STK3: variants seen among roughly 807,000 people sequenced by gnomAD.
The protein encoded by STK3 is serine/threonine-protein kinase 3.
A neutral mutation model predicts 58.0 loss-of-function variants in STK3; 41 were observed. The ratio of observed to expected loss-of-function variants is 0.71; its 90% CI spans 0.55 to 0.92. The LOEUF (loss-of-function observed/expected upper bound fraction) is 0.92. STK3 is among the 40% of genes least tolerant of loss of function. The probability of loss-of-function intolerance (pLI) is 0.00; values close to 1 mark genes in which losing one functional copy is unlikely to be tolerated. For synonymous variants in STK3, 170 were observed against 191.0 expected, an observed-to-expected ratio of 0.89 and a Z score of 0.91; for missense variants, 479 against 602.7, an observed-to-expected ratio of 0.79 and a Z score of 2.15.
intron 1 of STK3, among the ~76,000 whole-genome samples, chr8:98,777,528 T>C (rs1831780137): frequency 6.6e-6 from 1 of 151,912 alleles, no homozygotes; most frequent in African/African-American, 2.4e-5. Context: ...AAAAAAGAAA[T>C]AGCAGAAATG....
chr8:98,678,123 T>C (rs981513537), intron 6 of STK3, among the ~76,000 whole-genome samples: 4 of 152,218 alleles, frequency 2.6e-5, no homozygotes, highest in African/African-American at 7.2e-5. Context: ...TTTTCTGATA[T>C]GGTTAATTAT....
intron 7 of STK3, among the ~76,000 whole-genome samples, chr8:98,587,394 G>A (rs1814734195): frequency 1.3e-5 from 2 of 152,102 alleles, no homozygotes; most frequent in South Asian, 2.1e-4. Flanking sequence ...CAGTTTCCAT[G>A]TAGTTGAGTG....
chr8:98,797,541 AACTG>A (rs1833254612), intron 1 of STK3, among the ~76,000 whole-genome samples: 1 of 152,222 alleles, frequency 6.6e-6, no homozygotes, highest in Admixed American at 6.5e-5. Context: ...AAAGTAAGAT[AACTG>A]ACTGCAAAGG....
In STK3 at chr8:98,707,728, G is replaced by A. The variant is rs545939604; in HGVS notation, c.352-417C>T. ...CCACAAGTACTTCTTTCTAATGACC[G>A]CTAAACCTCCAGGAAAATGCTAAAG... On this transcript the variant is annotated intron_variant, in intron 4 of 10. Transcript: ENST00000419617. 4.3e-4 allele frequency among the ~76,000 whole-genome samples: 66 copies of A among 151,918 alleles called. No homozygotes were observed. In the South Asian group the frequency reaches 0.01, roughly 24 times the overall value.
the STK3 span, among the ~76,000 whole-genome samples, chr8:98,355,900 G>A: frequency 6.6e-6 from 1 of 152,222 alleles, no homozygotes; most frequent in South Asian, 2.1e-4. Flanking sequence ...TTAATTACTG[G>A]TGAAGGGGCT....
intron 1 of STK3, among the ~76,000 whole-genome samples, chr8:98,786,686 AAG>A (rs1309520853): frequency 2.6e-5 from 4 of 152,234 alleles, no homozygotes; most frequent in Admixed American, 6.5e-5. Flanking sequence ...ATGATACAGA[AAG>A]AGAAAAAGCA....
At chr8:98,554,968 A>G (rs1225623312) in intron 8 of STK3, among the ~76,000 whole-genome samples, 1 of 152,148 alleles carries the variant, frequency 6.6e-6, no homozygotes, top group African/African-American at 2.4e-5. Flanking sequence ...TTGATACTTC[A>G]TAGAAAAAGG....
intron 10 of STK3, among the ~76,000 whole-genome samples, chr8:98,465,846 G>T (rs1005965332): frequency 6.6e-6 from 1 of 152,146 alleles, no homozygotes; most frequent in Admixed American, 6.5e-5. Context: ...AATTTTCGTT[G>T]CATTCCTCAA....
chr8:98,620,495 T>C (rs1818192234), intron 6 of STK3, among the ~76,000 whole-genome samples: 1 of 137,676 alleles, frequency 7.3e-6, no homozygotes, highest in East Asian at 2.1e-4. Flanking sequence ...AATAAATAAA[T>C]AAATAAAAAG....
At chr8:98,607,992 T>C (rs1043260271) in intron 6 of STK3, among the ~76,000 whole-genome samples, 70 of 152,228 alleles carry the variant, frequency 4.6e-4, no homozygotes, top group African/African-American at 1.6e-3. Context: ...AAGTACAAGA[T>C]AGAGAAATAG....
At position 98,526,848 on chromosome 8, in the gene STK3, T is replaced by C. The variant is rs368988843; in HGVS notation, c.1211A>G (p.Asn404Ser). ...CTGATTACAGTTTTCGTGACTCTTA[T>C]TCTTGAAGTCTTGCTTATCAAAGTA... ...MDYFDKQDFK[N>S]KSHENCNQNM... The change falls in exon 10 of 11, where the codon AAT becomes AGT. Residue 404 changes from asparagine (N) to serine (S), a missense_variant. Physicochemically the swap from Asn to Ser is conservative, Grantham distance 46 (BLOSUM62 1). This residue lies in a region of STK3 where 309 missense variants were observed against 355.7 expected (regional missense o/e 0.87). Coordinates refer to ENST00000419617, the MANE Select transcript of STK3 (RefSeq NM_006281.4). 3.1e-6 allele frequency: 5 copies of C among 1,599,552 alleles called. No individual in the cohort carries two copies. In the South Asian group the frequency reaches 3.4e-5, roughly 11 times the overall value.
At chr8:98,559,202 T>C (rs1304012598) in intron 8 of STK3, among the ~76,000 whole-genome samples, 1 of 152,186 alleles carries the variant, frequency 6.6e-6, no homozygotes, top group Non-Finnish European at 1.5e-5. Flanking sequence ...AGGCAAAACC[T>C]GTTTAAAACA....
At chr8:98,900,422 T>C (rs540267386) in intron 1 of STK3, among the ~76,000 whole-genome samples, 1 of 151,990 alleles carries the variant, frequency 6.6e-6, no homozygotes, top group East Asian at 1.9e-4. Context: ...GAAGTCTAAT[T>C]GAACATTACC....
chr8:98,379,674 T>C (rs1418050985), intron 1 of STK3, among the ~76,000 whole-genome samples: 1 of 152,208 alleles, frequency 6.6e-6, no homozygotes, highest in Non-Finnish European at 1.5e-5. Context: ...ATCAGACCCT[T>C]GAGATCTTTC....
At chr8:98,540,613 A>T (rs550717777) in intron 9 of STK3, among the ~76,000 whole-genome samples, 16 of 152,180 alleles carry the variant, frequency 1.1e-4, no homozygotes, top group Non-Finnish European at 2.1e-4. Context: ...TGTATCACAA[A>T]ATGAGAAATC....
chr8:98,355,631 A>G, the STK3 span, among the ~76,000 whole-genome samples: 5 of 152,218 alleles, frequency 3.3e-5, no homozygotes, highest in Non-Finnish European at 5.9e-5. Flanking sequence ...TGCACTTGAT[A>G]CATACTAGCT....
chr8:98,553,809 C>T (rs2131604634), intron 8 of STK3, among the ~76,000 whole-genome samples: 1 of 151,968 alleles, frequency 6.6e-6, no homozygotes, highest in South Asian at 2.1e-4. Flanking sequence ...ACTAAAAATA[C>T]AAAAAATTAG....
intron 3 of STK3, among the ~76,000 whole-genome samples, chr8:98,760,717 T>C (rs992974811): frequency 3.7e-5 from 5 of 135,174 alleles, no homozygotes; most frequent in African/African-American, 1.3e-4. Context: ...GTTTTCTTTT[T>C]TTTGAGGGGG....
intron 6 of STK3, among the ~76,000 whole-genome samples, chr8:98,700,497 C>G (rs576163195): frequency 3.9e-5 from 6 of 152,194 alleles, no homozygotes; most frequent in Non-Finnish European, 8.8e-5. Context: ...TGTTCCTATT[C>G]GGCCATCTTG....
Sources: gnomAD v4.1 joint callset for allele counts (sites outside exome capture counted in the v4.1 genomes callset) on GRCh38, gnomAD v4.1.1 for gene constraint, gnomAD v4.1.1 regional missense constraint, MANE v1.5 for transcripts, NCBI Gene and HGNC (gene_info 2026-07-23, HGNC 2026-07-21) for gene names.